LTBP2: variants seen among roughly 807,000 people sequenced by gnomAD.
The protein encoded by LTBP2 is latent-transforming growth factor beta-binding protein 2.
A neutral mutation model predicts 210.6 loss-of-function variants in LTBP2; 103 were observed. The ratio of observed to expected loss-of-function variants is 0.49; its 90% CI spans 0.42 to 0.58. The LOEUF is 0.58. Among genes scored for constraint, LTBP2 ranks in the 20% least tolerant of loss-of-function variants. LTBP2 has a pLI of 0.00. For synonymous variants in LTBP2, 1,007 were observed against 1,015.0 expected (o/e 0.99, Z 0.15); for missense variants, 2,313 against 2,494.5 (o/e 0.93, Z 1.55).
At chr14:74,608,014 G>A (rs1289577094) in intron 1 of LTBP2, among the ~76,000 whole-genome samples, 8 of 150,446 alleles carry the variant, frequency 5.3e-5, no homozygotes, top group East Asian at 3.9e-4. Flanking sequence ...TCCGCTTCCC[G>A]GGTTCACGCC....
intron 3 of LTBP2, among the ~76,000 whole-genome samples, chr14:74,573,786 C>T (rs2088017195): frequency 6.6e-6 from 1 of 152,216 alleles, no homozygotes; most frequent in African/African-American, 2.4e-5. Flanking sequence ...TATTTGCTAT[C>T]GAGTACTGAG....
intron 9 of LTBP2, among the ~76,000 whole-genome samples, chr14:74,533,401 T>C (rs887690127): frequency 5.9e-5 from 9 of 152,092 alleles, no homozygotes; most frequent in African/African-American, 1.9e-4. Context: ...AGGGGGACTG[T>C]GTGGGTTGGA....
intron 21 of LTBP2, among the ~76,000 whole-genome samples, 177 bp from the exon 22 acceptor site, chr14:74,509,540 C>T (rs946912863): frequency 1.3e-5 from 2 of 152,210 alleles, no homozygotes; most frequent in African/African-American, 2.4e-5. Context: ...ACTGGCTTTT[C>T]CTCCTGTCCT....
chr14:74,595,196 C>A (rs2088341860), intron 2 of LTBP2, among the ~76,000 whole-genome samples: 2 of 152,354 alleles, frequency 1.3e-5, no homozygotes, highest in South Asian at 4.1e-4. Context: ...ACCTTGGCCC[C>A]CAGCCCTTCA....
At position 74,509,316 on chromosome 14, in the gene LTBP2, T is replaced by G; in HGVS notation, c.3325A>C (p.Thr1109Pro). ...FPGVCPSGVCTNTAGSFSCKD... is the reference protein window; with the variant it reads ...FPGVCPSGVCPNTAGSFSCKD... ...CAGGAGAAGGAGCCAGCCGTGTTGG[T>G]GCAGACTCCGGAGGGGCAGACTCCC... Residue 1109 changes from threonine (T) to proline (P), a missense_variant, in exon 22 of 36, where the codon ACC becomes CCC. Physicochemically the swap from Thr to Pro is conservative, Grantham distance 38. Around this residue, in one of 3 missense-constraint regions of LTBP2, gnomAD observed 1,867 missense variants for 1,976.9 expected, o/e 0.94. Coordinates refer to ENST00000261978, the MANE Select transcript of LTBP2 (RefSeq NM_000428.3). 1.2e-6 allele frequency: 2 copies of G among 1,613,282 alleles called. No individual in the cohort carries two copies.
chr14:74,522,737 C>T lies in LTBP2; in HGVS notation c.2659+53G>A, dbSNP rs189282117. On this transcript the variant is annotated intron_variant, in intron 16 of 35. Transcript: ENST00000261978. ...GACTCTCAACTCGGCCTCTTAGCCC[C>T]TGCTCCCATCTACCCCAGCCGCCAA... 3.7e-3 allele frequency: 5,806 copies of T among 1,574,256 alleles called. 18 individuals carry two copies. Among genetic ancestry groups the T allele is most frequent in the Non-Finnish European group, 4.5e-3 (5,236 of 1,158,538 alleles).
In LTBP2 at chr14:74,503,204, T is replaced by G; in HGVS notation, c.4888+15A>C. The G allele has an allele frequency of 6.2e-7, 1 of 1,613,564 alleles. No homozygotes were observed. Among genetic ancestry groups the G allele is most frequent in the South Asian group, 1.1e-5 (1 of 91,066 alleles). The stretch of plus-strand genomic sequence containing the variant: ...TGGCCCAGCCCTGCAGGGTATCCCC[T>G]TTGCTCCCCCTCACCAGAGCTCCTC... On this transcript the variant is annotated intron_variant, in intron 33 of 35. Coordinates refer to ENST00000261978, the MANE Select transcript of LTBP2 (RefSeq NM_000428.3).
At position 74,611,775 on chromosome 14, in the gene LTBP2, C is replaced by A. The variant is rs895589873; in HGVS notation, c.170G>T (p.Gly57Val). ...GGDANRLRRP[G>V]GSYPAAAAAK... ...TGCAGCCGCTGCCGGGTAGCTGCCC[C>A]CAGGGCGCCGCAGTCGATTCGCGTC... Residue 57 changes from glycine (G) to valine (V), a missense_variant, in exon 1 of 36, where the codon GGG becomes GTG. This residue lies in a region of LTBP2 where 1,867 missense variants were observed against 1,976.9 expected (regional missense o/e 0.94). Transcript: ENST00000261978. 1.2e-6 allele frequency: 2 copies of A among 1,609,900 alleles called. No homozygotes were observed. Among genetic ancestry groups the A allele is most frequent in the Non-Finnish European group, 1.7e-6 (2 of 1,179,572 alleles).
At chr14:74,519,493 G>A (rs1243387621) in intron 17 of LTBP2, among the ~76,000 whole-genome samples, 1 of 150,514 alleles carries the variant, frequency 6.6e-6, no homozygotes, top group East Asian at 1.9e-4. Context: ...TTATCTTATT[G>A]ATAATATAAA....
intron 28 of LTBP2, 87 bp downstream of exon 28, chr14:74,505,961 C>A: frequency 1.9e-6 from 3 of 1,558,422 alleles, no homozygotes; most frequent in Admixed American, 3.4e-5. Flanking sequence ...TCCCCCTCAG[C>A]GGCTAGAGGC....
intron 2 of LTBP2, among the ~76,000 whole-genome samples, chr14:74,588,986 A>G (rs2139791429): frequency 6.6e-6 from 1 of 152,268 alleles, no homozygotes; most frequent in Non-Finnish European, 1.5e-5. Flanking sequence ...CAGAGCTGAT[A>G]AGGAAATAAA....
rs748378774 is a variant in LTBP2, at chr14:74,501,537, C to T, written c.5224G>A (p.Gly1742Ser). Residue 1742 changes from glycine (G) to serine (S), a missense_variant, in exon 35 of 36, where the codon GGC (glycine) becomes AGC (serine). Physicochemically the swap from Gly to Ser is moderately conservative, Grantham distance 56. Coordinates refer to ENST00000261978, the MANE Select transcript of LTBP2 (RefSeq NM_000428.3). ...LQAEECGILN[G>S]CENGRCVRVR... ...CGCACACAGCGGCCATTCTCACAGCCGTTCAGGATGCCGCACTCCTCCGCC... is the reference window on the plus strand; with the variant it reads ...CGCACACAGCGGCCATTCTCACAGCTGTTCAGGATGCCGCACTCCTCCGCC... The T allele has an allele frequency of 1.4e-5, 23 of 1,614,056 alleles. No homozygotes were observed. Among genetic ancestry groups the T allele is most frequent in the South Asian group, 8.8e-5 (8 of 91,090 alleles).
chr14:74,560,425 T>A (rs2139758172), intron 3 of LTBP2, among the ~76,000 whole-genome samples: 2 of 152,298 alleles, frequency 1.3e-5, no homozygotes, highest in East Asian at 3.9e-4. Flanking sequence ...GGAAAAATTC[T>A]CATCCCAGTG....
intron 5 of LTBP2, 88 bp downstream of exon 5, chr14:74,552,804 G>A: frequency 6.7e-7 from 1 of 1,487,496 alleles, no homozygotes; most frequent in Non-Finnish European, 9.1e-7. Flanking sequence ...TTTGGGAGCA[G>A]CGGGCTCCAG....
chr14:74,580,740 G>A (rs2088125170), intron 3 of LTBP2, among the ~76,000 whole-genome samples: 1 of 152,160 alleles, frequency 6.6e-6, no homozygotes, highest in Non-Finnish European at 1.5e-5. Flanking sequence ...CAGGAGGATC[G>A]CTTGAACCCA....
At chr14:74,548,022 A>G (rs1034678229) in intron 8 of LTBP2, among the ~76,000 whole-genome samples, 4 of 151,854 alleles carry the variant, frequency 2.6e-5, no homozygotes, top group Non-Finnish European at 4.4e-5. Flanking sequence ...ACTCTTCCCC[A>G]TTACTTAACT....
intron 8 of LTBP2, among the ~76,000 whole-genome samples, chr14:74,543,002 C>T (rs982271041): frequency 8.6e-5 from 13 of 151,968 alleles, no homozygotes; most frequent in African/African-American, 2.9e-4. Flanking sequence ...CTCCTGACCT[C>T]GTGATCTGCC....
rs368024293 is a variant in LTBP2 at position 74,564,187 on chromosome 14, TTA to T, written c.831-8496_831-8495del. ...TTTATATATATATTTATATATATAT[TTA>T]TATATATATTTATATATATTTATAT... On this transcript the variant is annotated intron_variant, in intron 3 of 35. Transcript: ENST00000261978. Among the ~76,000 whole-genome samples, 13 of 9,130 alleles carry T rather than the reference TTA, an allele frequency of 1.4e-3. No homozygotes were observed. The Admixed American group carries it at 0.016, about 11-fold the overall frequency. The allele number at this position is 9,130 out of a possible 152,430, so 6.0% of individuals were successfully genotyped here.
chr14:74,573,318 T>G (rs936907383), intron 3 of LTBP2, among the ~76,000 whole-genome samples: 1 of 152,238 alleles, frequency 6.6e-6, no homozygotes, highest in African/African-American at 2.4e-5. Context: ...TGGCAAGGAC[T>G]GGCAAATGTG....
Sources: allele counts gnomAD v4.1 joint callset (sites outside exome capture counted in the v4.1 genomes callset), GRCh38; gene constraint gnomAD v4.1.1; regional missense constraint gnomAD v4.1.1; transcripts MANE v1.5; gene names NCBI Gene and HGNC (gene_info 2026-07-23, HGNC 2026-07-21).